Variants in HTR1F observed in about 807,000 individuals in gnomAD.
HTR1F encodes 5-hydroxytryptamine (serotonin) receptor 1F, G protein-coupled.
In HTR1F, 17 loss-of-function variants were observed where a neutral mutation model predicts 24.0. That is an observed-to-expected ratio of 0.71 (90% confidence interval 0.48 to 1.06). The LOEUF is 1.06. Among genes scored for constraint, HTR1F ranks in the 50% least tolerant of loss-of-function variants. The pLI is 0.00. For synonymous variants in HTR1F, 186 were observed against 156.8 expected, an observed-to-expected ratio of 1.19 and a Z score of -1.39; for missense variants, 391 against 427.8, an observed-to-expected ratio of 0.91 and a Z score of 0.76.
intron 2 of HTR1F, among the ~76,000 whole-genome samples, chr3:87,919,507 G>A (rs181358716): frequency 3.3e-5 from 5 of 151,558 alleles, no homozygotes; most frequent in Admixed American, 6.6e-5. Context: ...AATCTACAAC[G>A]AACTCAAACA....
intron 2 of HTR1F, among the ~76,000 whole-genome samples, chr3:87,869,712 T>C (rs1705514034): frequency 6.6e-6 from 1 of 152,056 alleles, no homozygotes; most frequent in Non-Finnish European, 1.5e-5. Flanking sequence ...GGGAGAAGCC[T>C]TTCGGTCCTA....
At chr3:87,798,283 C>A (rs1703937930) in intron 1 of HTR1F, among the ~76,000 whole-genome samples, 1 of 152,066 alleles carries the variant, frequency 6.6e-6, no homozygotes, top group Non-Finnish European at 1.5e-5. Flanking sequence ...GTTCCAACTC[C>A]TGTATGTCTA....
chr3:87,848,495 A>C (rs1179309336), intron 2 of HTR1F, among the ~76,000 whole-genome samples: 2 of 151,886 alleles, frequency 1.3e-5, no homozygotes, highest in Non-Finnish European at 2.9e-5. Context: ...TGCTGTGCAG[A>C]AGCTTTTTAG....
intron 2 of HTR1F, among the ~76,000 whole-genome samples, chr3:87,962,992 G>C (rs1233956961): frequency 6.6e-6 from 1 of 151,566 alleles, no homozygotes; most frequent in Non-Finnish European, 1.5e-5. Context: ...ATTCTTAATA[G>C]AGCAAATAAT....
intron 2 of HTR1F, among the ~76,000 whole-genome samples, chr3:87,943,351 A>G (rs1358420369): frequency 1.3e-5 from 2 of 152,248 alleles, no homozygotes; most frequent in Non-Finnish European, 2.9e-5. Context: ...TAACCCTTGT[A>G]AAACATCAAT....
chr3:87,935,136 G>A (rs1011186565), intron 2 of HTR1F, among the ~76,000 whole-genome samples: 1 of 152,110 alleles, frequency 6.6e-6, no homozygotes, highest in African/African-American at 2.4e-5. Context: ...CCAAAGTGCT[G>A]GGATTACAGG....
chr3:87,877,994 C>T (rs1705708290), intron 2 of HTR1F, among the ~76,000 whole-genome samples: 1 of 152,044 alleles, frequency 6.6e-6, no homozygotes, highest in Non-Finnish European at 1.5e-5. Context: ...TTCTAAAATG[C>T]TTTACAAATA....
At chr3:87,946,178 G>A (rs536595270) in intron 2 of HTR1F, among the ~76,000 whole-genome samples, 59 of 152,318 alleles carry the variant, frequency 3.9e-4, no homozygotes, top group Non-Finnish European at 6.2e-4. Context: ...GCTGGATCAG[G>A]AGCACAGCGG....
chr3:87,809,210 A>C (rs888542569), intron 1 of HTR1F, among the ~76,000 whole-genome samples: 2 of 151,876 alleles, frequency 1.3e-5, no homozygotes, highest in Non-Finnish European at 3.0e-5. Flanking sequence ...TTTTGAATCT[A>C]AAAATTTTTC....
At position 87,937,688 on chromosome 3, in the gene HTR1F, A is replaced by C. The variant is rs565658945; in HGVS notation, c.-42-53020A>C. On this transcript the variant is annotated intron_variant, in intron 2 of 2. Coordinates refer to ENST00000319595, the MANE Select transcript of HTR1F (RefSeq NM_001322209.2). ...CCTGTAATCCCAGCACTTTGGGAGGATGAGGCAGGAGGATCACAAGGTCAG... is the reference window on the plus strand; with the variant it reads ...CCTGTAATCCCAGCACTTTGGGAGGCTGAGGCAGGAGGATCACAAGGTCAG... Among the ~76,000 whole-genome samples the C allele has an allele frequency of 4.0e-3, 612 of 152,106 alleles. 5 individuals carry two copies. The highest frequency in any genetic ancestry group is 6.4e-3 in the Non-Finnish European group (434 of 67,978).
intron 2 of HTR1F, among the ~76,000 whole-genome samples, chr3:87,840,577 T>C (rs1704780314): frequency 1.3e-5 from 2 of 152,194 alleles, no homozygotes; most frequent in East Asian, 1.9e-4. Flanking sequence ...TAACATATGA[T>C]CCAGCAATCC....
chr3:87,964,028 T>C (rs1037195269), intron 2 of HTR1F, among the ~76,000 whole-genome samples: 30 of 152,166 alleles, frequency 2.0e-4, no homozygotes, highest in Non-Finnish European at 1.3e-4. Flanking sequence ...CTTGCATTCC[T>C]TGCAGCAGGA....
chr3:87,894,947 T>C (rs1159881958), intron 2 of HTR1F, among the ~76,000 whole-genome samples: 3 of 152,164 alleles, frequency 2.0e-5, no homozygotes, highest in Admixed American at 2.0e-4. Context: ...GACGCCTGGC[T>C]CATGATTAAG....
In HTR1F at chr3:87,843,347, G is replaced by T. The variant is rs939986728; in HGVS notation, c.-43+21223G>T. On this transcript the variant is annotated intron_variant, in intron 2 of 2. Transcript: ENST00000319595. ...AAATATTTTATATTTTGCATTCTAAGATATTAAATGTGAGCAGTGTTCTTC... is the reference window on the plus strand; with the variant it reads ...AAATATTTTATATTTTGCATTCTAATATATTAAATGTGAGCAGTGTTCTTC... 4.0e-5 allele frequency among the ~76,000 whole-genome samples: 6 copies of T among 151,636 alleles called. 1 individual carries two copies. Among genetic ancestry groups the T allele is most frequent in the African/African-American group, 1.5e-4 (6 of 41,076 alleles).
intron 2 of HTR1F, among the ~76,000 whole-genome samples, chr3:87,917,734 A>C (rs778331617): frequency 1.5e-5 from 2 of 137,828 alleles, no homozygotes; most frequent in Non-Finnish European, 3.1e-5. Flanking sequence ...AATTAACAAC[A>C]ATAAAAAAAA....
At chr3:87,987,709 T>TATATATATTTTATATATATAAA (rs1705697913) in intron 2 of HTR1F, among the ~76,000 whole-genome samples, 7 of 112,090 alleles carry the variant, frequency 6.2e-5, no homozygotes, top group Non-Finnish European at 1.1e-4. Flanking sequence ...ATATGTATTA[T>TATATATATTTTATATATATAAA]ATATATGTAT....
At chr3:87,838,740 T>C (rs959545870) in intron 2 of HTR1F, among the ~76,000 whole-genome samples, 1 of 151,988 alleles carries the variant, frequency 6.6e-6, no homozygotes, top group African/African-American at 2.4e-5. Flanking sequence ...ATAACTACAC[T>C]TTCTTCAAAT....
chr3:87,962,100 A>AT (rs541491146), intron 2 of HTR1F, among the ~76,000 whole-genome samples: 11 of 152,074 alleles, frequency 7.2e-5, no homozygotes, highest in South Asian at 4.1e-4. Context: ...AAAAATAAAG[A>AT]TTTTTTTTAG....
chr3:87,890,666 A>G (rs1706060291), intron 2 of HTR1F, among the ~76,000 whole-genome samples: 1 of 151,826 alleles, frequency 6.6e-6, no homozygotes, highest in Admixed American at 6.6e-5. Context: ...AAATACCGCC[A>G]GTAATGTCAT....
Sources: gnomAD v4.1 joint callset for allele counts (sites outside exome capture counted in the v4.1 genomes callset) on GRCh38, gnomAD v4.1.1 for gene constraint, MANE v1.5 for transcripts, NCBI Gene and HGNC (gene_info 2026-07-23, HGNC 2026-07-21) for gene names.